The following ZFHX3 variants were observed in gnomAD, a reference collection of about 807,000 sequenced individuals.
ZFHX3 encodes zinc finger homeobox protein 3.
In ZFHX3, 42 loss-of-function variants were observed where a neutral mutation model predicts 279.1. The observed-to-expected ratio is 0.15, with a 90% CI of 0.12 to 0.19. ZFHX3 has a LOEUF of 0.19. Ranked by LOEUF, ZFHX3 falls within the 10% of genes least tolerant of loss-of-function variation. ZFHX3 has a pLI of 1.00. For missense variants in ZFHX3, 4,981 were observed against 4,754.0 expected (o/e 1.05, Z -1.40); for synonymous variants, 2,293 against 1,957.8 (o/e 1.17, Z -4.52).
intron 2 of ZFHX3, among the ~76,000 whole-genome samples, chr16:73,600,414 T>G (rs1391032770): frequency 8.4e-6 from 1 of 118,566 alleles, no homozygotes; most frequent in African/African-American, 3.2e-5. Flanking sequence ...CCTTGGTCTC[T>G]CTACTTTTTT....
intron 2 of ZFHX3, among the ~76,000 whole-genome samples, chr16:73,495,547 G>A (rs2019127497): frequency 6.6e-6 from 1 of 152,182 alleles, no homozygotes; most frequent in Non-Finnish European, 1.5e-5. Flanking sequence ...GTGTTTCCTC[G>A]AGTATGGCTT....
chr16:72,890,966 T>C (rs1290607280), intron 3 of ZFHX3, among the ~76,000 whole-genome samples: 2 of 152,190 alleles, frequency 1.3e-5, no homozygotes, highest in Non-Finnish European at 2.9e-5. Context: ...CTTCAGGTAA[T>C]AGCCTCTGGT....
intron 2 of ZFHX3, among the ~76,000 whole-genome samples, chr16:73,559,864 A>G (rs1203246648): frequency 2.0e-5 from 3 of 152,156 alleles, no homozygotes; most frequent in Admixed American, 6.5e-5. Flanking sequence ...GCATCTGCAA[A>G]CGTGTCAGGC....
chr16:73,041,200 CAT>C (rs1346285739), intron 1 of ZFHX3, among the ~76,000 whole-genome samples: 1 of 152,224 alleles, frequency 6.6e-6, no homozygotes, highest in Non-Finnish European at 1.5e-5. Flanking sequence ...TCCAGTTACA[CAT>C]CTGGGAGTCC....
At chr16:72,921,284 T>C (rs927682589) in intron 3 of ZFHX3, among the ~76,000 whole-genome samples, 3 of 152,176 alleles carry the variant, frequency 2.0e-5, no homozygotes, top group Non-Finnish European at 2.9e-5. Context: ...GAGATGCAGC[T>C]TCTAGGAACT....
chr16:73,480,384 A>C (rs956589631), intron 2 of ZFHX3, among the ~76,000 whole-genome samples: 2 of 152,156 alleles, frequency 1.3e-5, no homozygotes, highest in Non-Finnish European at 1.5e-5. Context: ...ATCTATTGAA[A>C]TGGATGAGAG....
intron 8 of ZFHX3, among the ~76,000 whole-genome samples, chr16:73,065,601 G>A (rs1038184145): frequency 4.1e-5 from 6 of 147,392 alleles, no homozygotes; most frequent in Non-Finnish European, 6.0e-5. Context: ...GTGTGTGTGT[G>A]TGTGTGCGTG....
chr16:73,840,688 A>T (rs1961280437), intron 1 of ZFHX3, among the ~76,000 whole-genome samples: 1 of 152,192 alleles, frequency 6.6e-6, no homozygotes, highest in African/African-American at 2.4e-5. Flanking sequence ...GTTCTCGATA[A>T]TTCCTTGTCA....
chr16:73,787,981 C>T (rs58003265), intron 1 of ZFHX3, among the ~76,000 whole-genome samples: 2,165 of 152,138 alleles, frequency 0.014, 58 homozygotes, highest in African/African-American at 0.048. Context: ...GAGAGTTTAA[C>T]AAAGGGACTG....
intron 1 of ZFHX3, among the ~76,000 whole-genome samples, chr16:73,013,761 A>T (rs1048434950): frequency 1.3e-5 from 2 of 152,160 alleles, no homozygotes; most frequent in African/African-American, 4.8e-5. Context: ...TTGTTGGAAC[A>T]GGTAAGGCTG....
At position 73,628,910 on chromosome 16, in the gene ZFHX3, T is replaced by C. The variant is rs539503060; in HGVS notation, c.-1547+51270A>G. Among the ~76,000 whole-genome samples, 3 of 152,254 alleles carry C rather than the reference T, an allele frequency of 2.0e-5. No individual in the cohort carries two copies. In the South Asian group the frequency reaches 6.2e-4, roughly 32 times the overall value. ...AGGGGCACCACGCAGGACCCAGTCCTGCAGATATATGAATGTCTGTGCACC... is the reference window on the plus strand; with the variant it reads ...AGGGGCACCACGCAGGACCCAGTCCCGCAGATATATGAATGTCTGTGCACC... On this transcript the variant is annotated intron_variant, in intron 2 of 17. Coordinates refer to the ZFHX3 transcript ENST00000641206.
chr16:73,191,570 A>AAAACC (rs1299631468), intron 5 of ZFHX3, among the ~76,000 whole-genome samples: 189 of 152,242 alleles, frequency 1.2e-3, no homozygotes, highest in Non-Finnish European at 2.4e-3. Flanking sequence ...AGAAAAACAA[A>AAAACC]AAACCAAACC....
intron 3 of ZFHX3, among the ~76,000 whole-genome samples, chr16:73,395,981 A>T (rs181265319): frequency 3.2e-4 from 48 of 152,366 alleles, no homozygotes; most frequent in Admixed American, 3.1e-3. Flanking sequence ...AACAATGCTT[A>T]CTATACACTT....
At chr16:72,933,661 A>G (rs1216504820) in intron 3 of ZFHX3, among the ~76,000 whole-genome samples, 1 of 152,104 alleles carries the variant, frequency 6.6e-6, no homozygotes, top group Non-Finnish European at 1.5e-5. Context: ...CAGCATGCAC[A>G]GCCTCAACTA....
intron 5 of ZFHX3, among the ~76,000 whole-genome samples, chr16:73,218,881 C>T (rs2012305247): frequency 6.6e-6 from 1 of 152,166 alleles, no homozygotes. Context: ...GTGCAACCAT[C>T]ACCATCTAAC....
chr16:73,127,396 G>T (rs1322735213), intron 7 of ZFHX3: 1 of 1,305,348 alleles, frequency 7.7e-7, no homozygotes, highest in South Asian at 1.2e-5. Context: ...AAATATTTTT[G>T]GGGCCAGAGC....
intron 2 of ZFHX3, among the ~76,000 whole-genome samples, chr16:73,552,978 AC>A (rs2020223597): frequency 6.6e-6 from 1 of 152,108 alleles, no homozygotes; most frequent in Non-Finnish European, 1.5e-5. Flanking sequence ...TTCCAAGGAA[AC>A]TTTATCCTTC....
chr16:73,003,486 G>A (rs7198648), intron 1 of ZFHX3, among the ~76,000 whole-genome samples: 3,998 of 150,432 alleles, frequency 0.027, 106 homozygotes, highest in African/African-American at 0.064. Context: ...TCAGGAGTTC[G>A]AGACCAGCCT....
chr16:72,877,851 G>T (rs1485339595), intron 4 of ZFHX3, among the ~76,000 whole-genome samples: 3 of 152,188 alleles, frequency 2.0e-5, no homozygotes, highest in African/African-American at 7.2e-5. Context: ...CCTGCCCAAA[G>T]AAGCCCCCTT....
Sources: gnomAD v4.1 joint callset for allele counts (sites outside exome capture counted in the v4.1 genomes callset) on GRCh38, gnomAD v4.1.1 for gene constraint, MANE v1.5 for transcripts, NCBI Gene and HGNC (gene_info 2026-07-23, HGNC 2026-07-21) for gene names.